Variants in ACAN observed in about 807,000 individuals in gnomAD.
The protein encoded by ACAN is aggrecan.
A neutral mutation model predicts 169.1 loss-of-function variants in ACAN; 47 were observed. The ratio of observed to expected loss-of-function variants is 0.28; its 90% CI spans 0.22 to 0.35. ACAN has a LOEUF of 0.35. Among genes scored for constraint, ACAN ranks in the 10% least tolerant of loss-of-function variants. ACAN has a pLI of 1.00. For synonymous variants in ACAN, 1,115 were observed against 1,112.2 expected (o/e 1.00, Z -0.05); for missense variants, 2,716 against 2,759.9 (o/e 0.98, Z 0.36).
rs754629848 is a variant in ACAN at position 88,873,966 on chromosome 15, C to CA, written c.7573dup (p.Thr2525AsnfsTer56). 1 of 1,613,382 alleles carries CA rather than the reference C, an allele frequency of 6.2e-7. No individual in the cohort carries two copies. Among genetic ancestry groups the CA allele is most frequent in the South Asian group, 1.1e-5 (1 of 91,074 alleles). ...AGGGGTTTGTCCAGCGCCACATGCC[C>CA]ACCATCCGGTGCCAGCCCAGCGGGC... On this transcript the variant is annotated frameshift_variant, in exon 18 of 19. Coordinates refer to ENST00000560601, the MANE Select transcript of ACAN (RefSeq NM_001369268.1). LOFTEE classifies it high-confidence loss of function. This position sits in a 1 kb window ranked among gnomAD's most constrained non-coding sequence, Gnocchi z 7.5.
chr15:88,868,263 G>T lies in ACAN; in HGVS notation c.6994G>T (p.Val2332Leu). The T allele has an allele frequency of 2.8e-6, 2 of 702,804 alleles. No homozygotes were observed. The highest frequency in any genetic ancestry group is 5.4e-5 in the East Asian group (2 of 37,286). 43.5% of individuals were successfully genotyped at this position (702,804 alleles called of 1,614,324 possible). A position where few individuals can be genotyped will look rare whatever the true frequency, so the allele number is the denominator to read the frequency against. The change falls in exon 14 of 19, where the codon GTG (valine) becomes TTG (leucine). Residue 2332 changes from valine (V) to leucine (L), a missense_variant. Around this residue, in one of 3 missense-constraint regions of ACAN, gnomAD observed 1,389 missense variants for 1,363.7 expected, o/e 1.02. Transcript: ENST00000560601. The surrounding 1 kb of genome is among the most constrained non-coding windows in gnomAD (Gnocchi z 5.2). ...CCCTTGTCTGAATGGAGCCACCTGC[G>T]TGGATGCCATCGACTCTTTCACATG... is the stretch of plus-strand genomic sequence containing the variant. ...SSPCLNGATC[V>L]DAIDSFTCLC...
At chr15:88,824,994 G>T (rs1220511120) in intron 1 of ACAN, among the ~76,000 whole-genome samples, 2 of 152,186 alleles carry the variant, frequency 1.3e-5, no homozygotes, top group Non-Finnish European at 2.9e-5. Flanking sequence ...AGGCTAGAAT[G>T]ACAATGGCCA....
In ACAN at chr15:88,855,096, C is replaced by T. The variant is rs765951359; in HGVS notation, c.2511C>T (p.Ala837=). The T allele has an allele frequency of 6.3e-7, 1 of 1,595,582 alleles. No homozygotes were observed. The highest frequency in any genetic ancestry group is 1.7e-4 in the Middle Eastern group (1 of 5,980). Residue 837 remains alanine, a synonymous_variant, in exon 12 of 19, where the codon GCC becomes GCT. Coordinates refer to ENST00000560601, the MANE Select transcript of ACAN (RefSeq NM_001369268.1). The part of the protein sequence containing the change: ...KEPSPSEEPS[A]SEEPYTPSPP... ...CATCCCCCTCAGAGGAACCATCAGC[C>T]TCGGAAGAGCCGTATACACCTTCAC...
chr15:88,860,728 G>T (rs1338146290), intron 13 of ACAN, among the ~76,000 whole-genome samples: 7 of 152,220 alleles, frequency 4.6e-5, no homozygotes, highest in African/African-American at 1.7e-4. Flanking sequence ...TTGAATTTTG[G>T]AGATGAGACT....
In ACAN at chr15:88,815,000, T is replaced by G. The variant is rs2141500121; in HGVS notation, c.-8+11191T>G. On this transcript the variant is annotated intron_variant, in intron 1 of 18. Coordinates refer to ENST00000560601, the MANE Select transcript of ACAN (RefSeq NM_001369268.1). This position sits in a 1 kb window ranked among gnomAD's most constrained non-coding sequence, Gnocchi z 4.0. ...ACTCAGTTCTACCTCCAGCTGAAAC[T>G]TTGGTTTTTCTTGTCCTGTGTGGAC... Among the ~76,000 whole-genome samples the G allele has an allele frequency of 6.6e-6, 1 of 151,338 alleles. No individual in the cohort carries two copies. The highest frequency in any genetic ancestry group is 1.5e-5 in the Non-Finnish European group (1 of 67,960).
intron 10 of ACAN, chr15:88,850,027 G>A (rs775241507): frequency 1.7e-6 from 1 of 599,498 alleles, no homozygotes; most frequent in African/African-American, 1.9e-5. Context: ...CTTAATAGCT[G>A]TGTGAAAATG....
Position 88,814,062 on chromosome 15 carries a change from C to T in ACAN, c.-8+10253C>T, listed in dbSNP as rs1208851240. On this transcript the variant is annotated intron_variant, in intron 1 of 18. Coordinates refer to ENST00000560601, the MANE Select transcript of ACAN (RefSeq NM_001369268.1). This position sits in a 1 kb window ranked among gnomAD's most constrained non-coding sequence, Gnocchi z 4.0. ...AAGAATCCATTCAGCCATTGTCTTC[C>T]AGGAGTGGATGGGATAGAAGGGCTC... Among the ~76,000 whole-genome samples, 1 of 152,162 alleles carries T rather than the reference C, an allele frequency of 6.6e-6. No individual in the cohort carries two copies. Among genetic ancestry groups the T allele is most frequent in the African/African-American group, 2.4e-5 (1 of 41,438 alleles).
intron 1 of ACAN, among the ~76,000 whole-genome samples, chr15:88,834,041 C>T (rs1256193410): frequency 1.3e-5 from 2 of 152,162 alleles, no homozygotes; most frequent in African/African-American, 2.4e-5. Flanking sequence ...TTCTGGGGAA[C>T]TATTTCCCAG....
chr15:88,830,080 G>A (rs762937435), intron 1 of ACAN, among the ~76,000 whole-genome samples: 2 of 152,132 alleles, frequency 1.3e-5, no homozygotes, highest in Non-Finnish European at 2.9e-5. Flanking sequence ...CACGTAGCCA[G>A]CAAACATTTG....
At chr15:88,826,209 A>G (rs1226666255) in intron 1 of ACAN, among the ~76,000 whole-genome samples, 1 of 152,096 alleles carries the variant, frequency 6.6e-6, no homozygotes, top group Non-Finnish European at 1.5e-5. Context: ...TGAGCAGATG[A>G]TGATCATGCT....
At chr15:88,836,131 T>C (rs997618543) in intron 1 of ACAN, 69 bp from the exon 2 acceptor site, 2 of 1,112,498 alleles carry the variant, frequency 1.8e-6, no homozygotes, top group East Asian at 4.8e-5. Context: ...GCATCATATG[T>C]CACATGACTC....
At chr15:88,811,201 G>T (rs1895812505) in intron 1 of ACAN, among the ~76,000 whole-genome samples, 1 of 152,188 alleles carries the variant, frequency 6.6e-6, no homozygotes. Context: ...AGTTAATTTT[G>T]GGTCTCTTCC....
At chr15:88,813,827 C>G (rs1596112614) in intron 1 of ACAN, among the ~76,000 whole-genome samples, 1 of 152,098 alleles carries the variant, frequency 6.6e-6, no homozygotes, top group African/African-American at 2.4e-5. Context: ...AGCACCTCTT[C>G]TCAGCCACTA....
rs145352374 is a variant in ACAN at position 88,829,592 on chromosome 15, C to T, written c.-7-6608C>T. ...CTATCAGGATGATCTTGTTCATGAG[C>T]GAGTGACAAGAGAAAAGGTGCTATT... On this transcript the variant is annotated intron_variant, in intron 1 of 18. Transcript: ENST00000560601. Among the ~76,000 whole-genome samples, 46 of 152,258 alleles carry T rather than the reference C, an allele frequency of 3.0e-4. No homozygotes were observed. The East Asian group carries it at 5.0e-3, about 17-fold the overall frequency.
Position 88,814,277 on chromosome 15 carries a change from G to A in ACAN, c.-8+10468G>A, listed in dbSNP as rs1305966168. ...AACCACAGTACCTCCCACAGAGCAA[G>A]GGCTCTCAAAACAGTAACTGCTGTA... On this transcript the variant is annotated intron_variant, in intron 1 of 18. Transcript: ENST00000560601. The surrounding 1 kb of genome is among the most constrained non-coding windows in gnomAD (Gnocchi z 4.0). 6.6e-6 allele frequency among the ~76,000 whole-genome samples: 1 copy of A among 152,196 alleles called. No individual in the cohort carries two copies. The highest frequency in any genetic ancestry group is 2.4e-5 in the African/African-American group (1 of 41,454).
At chr15:88,841,492 A>G (rs1199380752) in intron 4 of ACAN, among the ~76,000 whole-genome samples, 2 of 73,158 alleles carry the variant, frequency 2.7e-5, no homozygotes, top group Non-Finnish European at 6.5e-5. Flanking sequence ...CTTGCCTTTT[A>G]TAGAAAAAAA....
chr15:88,818,839 A>G lies in ACAN; in HGVS notation c.-8+15030A>G, dbSNP rs139474212. 2.0e-3 allele frequency among the ~76,000 whole-genome samples: 298 copies of G among 152,342 alleles called. 1 individual carries two copies. The highest frequency in any genetic ancestry group is 2.9e-3 in the Non-Finnish European group (196 of 68,032). On this transcript the variant is annotated intron_variant, in intron 1 of 18. Transcript: ENST00000560601. ...AAGCATTCTGGAGATGGATGGTGATAATGGTTGCATAACAATGTGAATACG... is the reference window on the plus strand; with the variant it reads ...AAGCATTCTGGAGATGGATGGTGATGATGGTTGCATAACAATGTGAATACG...
intron 11 of ACAN, among the ~76,000 whole-genome samples, chr15:88,853,251 C>G (rs1187610533): frequency 1.3e-5 from 2 of 152,186 alleles, no homozygotes; most frequent in Non-Finnish European, 1.5e-5. Flanking sequence ...GACTTCAGTT[C>G]CTGACCACCT....
rs1896555019 is a variant in ACAN at position 88,838,204 on chromosome 15, C to G, written c.71-459C>G. Among the ~76,000 whole-genome samples the G allele has an allele frequency of 6.6e-6, 1 of 152,158 alleles. No individual in the cohort carries two copies. The highest frequency in any genetic ancestry group is 1.5e-5 in the Non-Finnish European group (1 of 68,036). On this transcript the variant is annotated intron_variant, in intron 2 of 18. Transcript: ENST00000560601. This position sits in a 1 kb window ranked among gnomAD's most constrained non-coding sequence, Gnocchi z 5.1. ...GCAGACCTCCCCAAATGGGACACAT[C>G]TTAGAAGTTTTCTGTCTCAGCTTTA...
Sources: allele counts gnomAD v4.1 joint callset (sites outside exome capture counted in the v4.1 genomes callset), GRCh38; gene constraint gnomAD v4.1.1; regional missense constraint gnomAD v4.1.1; non-coding constraint Gnocchi (gnomAD v3.1); transcripts MANE v1.5; gene names NCBI Gene and HGNC (gene_info 2026-07-23, HGNC 2026-07-21).